SCFD1: variants seen among roughly 807,000 people sequenced by gnomAD.
SCFD1 encodes the protein sec1 family domain containing 1, also known as sec1 family domain-containing protein 1.
Under a neutral mutation model 103.2 loss-of-function variants are expected in SCFD1, and 37 were observed. The observed-to-expected ratio is 0.36, with a 90% CI of 0.28 to 0.47. The LOEUF (loss-of-function observed/expected upper bound fraction) is 0.47. SCFD1 is among the 20% of genes least tolerant of loss of function. The pLI is 1.00. For missense variants in SCFD1, 639 were observed against 761.2 expected (o/e 0.84, Z 1.89); for synonymous variants, 264 against 245.0 (o/e 1.08, Z -0.73).
intron 1 of SCFD1, 57 bp from the exon 2 acceptor site, chr14:30,628,152 G>A (rs1253239079): frequency 7.6e-7 from 1 of 1,321,308 alleles, no homozygotes; most frequent in Non-Finnish European, 1.1e-6. Flanking sequence ...TGATGATGGA[G>A]GAAAAATAAA....
At chr14:30,622,477 G>C (rs1314150516) in intron 1 of SCFD1, 78 bp downstream of exon 1, 1 of 1,516,198 alleles carries the variant, frequency 6.6e-7, no homozygotes, top group Non-Finnish European at 8.9e-7. Flanking sequence ...GTGCAGCTCA[G>C]AGACCGATCT....
intron 4 of SCFD1, 86 bp from the exon 5 acceptor site, chr14:30,638,039 A>T (rs1375629600): frequency 7.3e-7 from 1 of 1,364,122 alleles, no homozygotes; most frequent in Non-Finnish European, 9.6e-7. Context: ...TGTCTTTTAA[A>T]TATAACTTTG....
Position 30,670,358 on chromosome 14 carries a change from A to G in SCFD1, c.958A>G (p.Thr320Ala), listed in dbSNP as rs1888422230. The change falls in exon 11 of 25, where the codon ACT becomes GCT. Residue 320 changes from threonine to alanine, a missense_variant. By Grantham distance (58) the Thr-to-Ala change is moderately conservative (BLOSUM62 0). Coordinates refer to ENST00000458591, the MANE Select transcript of SCFD1 (RefSeq NM_016106.4). ...KRKNKKSYDL[T>A]PVDKFWQKHK... ...AAAAAACAAGAAGTCTTATGATTTA[A>G]CTCCGGTTGATAAATTTTGGCAAAA... 6.3e-7 allele frequency: 1 copy of G among 1,578,840 alleles called. No individual in the cohort carries two copies.
chr14:30,658,051 C>T (rs1385658549), intron 10 of SCFD1: 7 of 452,242 alleles, frequency 1.5e-5, no homozygotes, highest in Non-Finnish European at 3.1e-5. Context: ...AATTAGAAGC[C>T]CTGATTCTTT....
chr14:30,640,984 C>CA (rs1184987780), intron 6 of SCFD1, among the ~76,000 whole-genome samples: 2 of 152,014 alleles, frequency 1.3e-5, no homozygotes, highest in Non-Finnish European at 2.9e-5. Flanking sequence ...GTGTTTTAAG[C>CA]ATGTTACAAT....
intron 13 of SCFD1, among the ~76,000 whole-genome samples, chr14:30,674,633 G>T (rs1454185004): frequency 6.7e-6 from 1 of 150,008 alleles, no homozygotes; most frequent in Non-Finnish European, 1.5e-5. Context: ...AGGCGACAGA[G>T]ACTCTGTCTC....
chr14:30,634,665 G>T (rs17362475), intron 4 of SCFD1: 7,989 of 370,046 alleles, frequency 0.022, 128 homozygotes, highest in Middle Eastern at 0.034. Context: ...CTAAAATAAG[G>T]GTGAGATTAG....
In SCFD1 at chr14:30,624,469, A is replaced by G. The variant is rs573441572; in HGVS notation, c.61+2070A>G. On this transcript the variant is annotated intron_variant, in intron 1 of 24. Transcript: ENST00000458591. ...GTCCTTTTAGTTGTTCAGGTCAAAA[A>G]CCTTGAAGTTTTCTTGACTTGTCTC... Among the ~76,000 whole-genome samples the G allele has an allele frequency of 7.2e-5, 11 of 152,094 alleles. No individual in the cohort carries two copies. In the East Asian group the frequency reaches 1.9e-3, roughly 27 times the overall value.
intron 19 of SCFD1, among the ~76,000 whole-genome samples, chr14:30,713,466 A>C (rs17364127): frequency 0.039 from 5,917 of 152,270 alleles, 145 homozygotes; most frequent in South Asian, 0.067. Flanking sequence ...GCTGGAAAGA[A>C]ATTTTTCTCA....
intron 24 of SCFD1, 145 bp from the exon 25 acceptor site, chr14:30,735,441 G>A (rs569530275): frequency 5.0e-5 from 33 of 656,610 alleles, no homozygotes; most frequent in African/African-American, 3.2e-4. Context: ...ATTTGAGTTA[G>A]TGGTGAACAT....
At chr14:30,682,233 C>G (rs941747417) in intron 14 of SCFD1, among the ~76,000 whole-genome samples, 1 of 152,174 alleles carries the variant, frequency 6.6e-6, no homozygotes, top group Non-Finnish European at 1.5e-5. Context: ...AAGCTGGTCT[C>G]TCACCTTGAT....
intron 10 of SCFD1, among the ~76,000 whole-genome samples, chr14:30,659,931 A>T (rs1326069655): frequency 6.6e-6 from 1 of 152,214 alleles, no homozygotes; most frequent in Admixed American, 6.5e-5. Context: ...TACTGTAATG[A>T]ACTCATGTTT....
At chr14:30,667,196 G>C (rs1301843235) in intron 10 of SCFD1, among the ~76,000 whole-genome samples, 2 of 152,236 alleles carry the variant, frequency 1.3e-5, no homozygotes, top group East Asian at 1.9e-4. Context: ...ACATCAAAAA[G>C]CTTATCCACC....
intron 2 of SCFD1, among the ~76,000 whole-genome samples, chr14:30,628,676 T>C (rs1191436229): frequency 1.3e-5 from 2 of 152,224 alleles, no homozygotes; most frequent in African/African-American, 4.8e-5. Flanking sequence ...AATACCACTT[T>C]AATAATTTAT....
chr14:30,664,036 A>C (rs1291481600), intron 10 of SCFD1, among the ~76,000 whole-genome samples: 2 of 152,166 alleles, frequency 1.3e-5, no homozygotes, highest in Admixed American at 6.5e-5. Context: ...TTCTCCTAGC[A>C]TGGTGTTTGA....
intron 14 of SCFD1, among the ~76,000 whole-genome samples, chr14:30,690,810 C>G (rs1043742539): frequency 1.3e-5 from 2 of 152,206 alleles, no homozygotes; most frequent in African/African-American, 4.8e-5. Flanking sequence ...CGGAGCTGTT[C>G]CTATTCGGCC....
chr14:30,638,853 G>C (rs1464194002), intron 5 of SCFD1, among the ~76,000 whole-genome samples: 1 of 152,144 alleles, frequency 6.6e-6, no homozygotes, highest in Non-Finnish European at 1.5e-5. Context: ...ATTTGGACAA[G>C]ATATGCATTA....
intron 19 of SCFD1, among the ~76,000 whole-genome samples, chr14:30,708,865 C>T (rs893789823): frequency 1.3e-5 from 2 of 151,956 alleles, no homozygotes; most frequent in Non-Finnish European, 2.9e-5. Flanking sequence ...TTTTTTGTTT[C>T]TGTGATTTTT....
At chr14:30,628,303 C>T (rs202187808) in intron 2 of SCFD1, 24 bp downstream of exon 2, 1,579 of 1,518,354 alleles carry the variant, frequency 1.0e-3, no homozygotes, top group Non-Finnish European at 1.3e-3. Flanking sequence ...TTAATGGGAA[C>T]TGATTTCTGT....
Sources: allele counts gnomAD v4.1 joint callset (sites outside exome capture counted in the v4.1 genomes callset), GRCh38; gene constraint gnomAD v4.1.1; transcripts MANE v1.5; gene names NCBI Gene and HGNC (gene_info 2026-07-23, HGNC 2026-07-21).